CDH1: variants seen among roughly 807,000 people sequenced by gnomAD.
The protein encoded by CDH1 is cadherin-1.
Under a neutral mutation model 84.5 loss-of-function variants are expected in CDH1, and 35 were observed. That is an observed-to-expected ratio of 0.41 (90% CI 0.32 to 0.55). The LOEUF (loss-of-function observed/expected upper bound fraction) is 0.55, where lower values mean the gene tolerates loss of function less well. CDH1 is among the 20% of genes least tolerant of loss of function. CDH1 has a pLI of 0.19. For missense variants in CDH1, 994 were observed against 1,126.6 expected (o/e 0.88, Z 1.68); for synonymous variants, 417 against 439.0 (o/e 0.95, Z 0.63).
chr16:68,822,466 C>G (rs1057307164), intron 12 of CDH1: 1 of 586,326 alleles, frequency 1.7e-6, no homozygotes. Flanking sequence ...CTCTCCCAGC[C>G]TCTAGCCACC....
At position 68,808,404 on chromosome 16, in the gene CDH1, C is replaced by A. The variant is rs1960722851; in HGVS notation, c.388-20C>A. 3.7e-6 allele frequency: 6 copies of A among 1,613,872 alleles called. No individual in the cohort carries two copies. Among genetic ancestry groups the A allele is most frequent in the Non-Finnish European group, 5.1e-6 (6 of 1,179,896 alleles). On this transcript the variant is annotated intron_variant, in intron 3 of 15. Coordinates refer to ENST00000261769, the MANE Select transcript of CDH1 (RefSeq NM_004360.5). ...CGTCTTGAATTGTCTTATCTTGTTC[C>A]TCATCTTCTTTCCTTTTAGGCCTCC...
intron 2 of CDH1, among the ~76,000 whole-genome samples, chr16:68,790,892 C>T (rs1197134323): frequency 6.6e-6 from 1 of 152,130 alleles, no homozygotes; most frequent in Non-Finnish European, 1.5e-5. Context: ...TCAATGGGCA[C>T]ACTGGCTGTT....
intron 2 of CDH1, among the ~76,000 whole-genome samples, chr16:68,752,918 A>G (rs972560451): frequency 6.6e-6 from 1 of 152,162 alleles, no homozygotes; most frequent in African/African-American, 2.4e-5. Flanking sequence ...GATACACCCA[A>G]CACCTGCCCC....
intron 2 of CDH1, among the ~76,000 whole-genome samples, chr16:68,781,275 G>A (rs149110774): frequency 1.3e-5 from 2 of 152,226 alleles, no homozygotes; most frequent in East Asian, 1.9e-4. Flanking sequence ...AGTTGCCTCC[G>A]CTTCATTCTC....
At chr16:68,751,657 C>A (rs2152117481) in intron 2 of CDH1, among the ~76,000 whole-genome samples, 1 of 151,978 alleles carries the variant, frequency 6.6e-6, no homozygotes, top group African/African-American at 2.4e-5. Flanking sequence ...CATGGGCCAC[C>A]ACGCCTGGCT....
intron 2 of CDH1, among the ~76,000 whole-genome samples, chr16:68,799,232 T>TC (rs1404998127): frequency 1.3e-5 from 2 of 152,092 alleles, no homozygotes; most frequent in African/African-American, 4.8e-5. Context: ...TTATTACGGC[T>TC]CCCCCTGCTC....
At chr16:68,738,216 GA>G in intron 1 of CDH1, 80 bp from the exon 2 acceptor site, 1 of 928,378 alleles carries the variant, frequency 1.1e-6, no homozygotes, top group Non-Finnish European at 1.7e-6. Flanking sequence ...GGGAGCGAGG[GA>G]GGGGCGGCGC....
chr16:68,751,252 C>T (rs960956115), intron 2 of CDH1, among the ~76,000 whole-genome samples: 1 of 152,140 alleles, frequency 6.6e-6, no homozygotes, highest in Non-Finnish European at 1.5e-5. Flanking sequence ...ACTGATCTGT[C>T]CTTTGACTCA....
intron 2 of CDH1, among the ~76,000 whole-genome samples, chr16:68,774,634 GT>G (rs1486077193): frequency 2.0e-5 from 3 of 152,064 alleles, no homozygotes; most frequent in Non-Finnish European, 4.4e-5. Flanking sequence ...AATAAGTAAA[GT>G]TTGATGACCA....
intron 2 of CDH1, among the ~76,000 whole-genome samples, chr16:68,779,346 G>A (rs1959812849): frequency 6.6e-6 from 1 of 152,238 alleles, no homozygotes; most frequent in Admixed American, 6.5e-5. Context: ...GGCAGGGCTA[G>A]GTGGAAGTTA....
chr16:68,774,029 C>T (rs1959657852), intron 2 of CDH1, among the ~76,000 whole-genome samples: 1 of 152,246 alleles, frequency 6.6e-6, no homozygotes, highest in South Asian at 2.1e-4. Flanking sequence ...GATCTTCCCA[C>T]CTCAGCCTCC....
chr16:68,800,677 C>G (rs762166498), intron 2 of CDH1, among the ~76,000 whole-genome samples: 4 of 152,132 alleles, frequency 2.6e-5, no homozygotes, highest in Non-Finnish European at 5.9e-5. Flanking sequence ...TCGACTGCTC[C>G]CCTCTGCCTG....
intron 13 of CDH1, among the ~76,000 whole-genome samples, chr16:68,827,379 A>C (rs576316630): frequency 2.0e-5 from 3 of 150,396 alleles, no homozygotes; most frequent in Non-Finnish European, 4.4e-5. Context: ...TTTTTTTTTC[A>C]TTCACAGTGA....
At chr16:68,778,985 A>C (rs1462507462) in intron 2 of CDH1, among the ~76,000 whole-genome samples, 1 of 152,156 alleles carries the variant, frequency 6.6e-6, no homozygotes, top group Non-Finnish European at 1.5e-5. Flanking sequence ...ATTTAAGCAA[A>C]TTAAGGCCTT....
At chr16:68,820,436 C>T (rs1047990629) in intron 11 of CDH1, among the ~76,000 whole-genome samples, 5 of 151,080 alleles carry the variant, frequency 3.3e-5, no homozygotes, top group East Asian at 2.0e-4. Context: ...CTGCAGCTTC[C>T]GCCTCCCAGG....
At chr16:68,748,500 G>A (rs573594302) in intron 2 of CDH1, among the ~76,000 whole-genome samples, 4 of 152,340 alleles carry the variant, frequency 2.6e-5, no homozygotes, top group East Asian at 3.9e-4. Context: ...TAGCTATGCG[G>A]TATGGATGCA....
At chr16:68,828,632 C>T (rs1961395278) in intron 14 of CDH1, among the ~76,000 whole-genome samples, 1 of 152,232 alleles carries the variant, frequency 6.6e-6, no homozygotes, top group Non-Finnish European at 1.5e-5. Context: ...CATTGCCATT[C>T]TCTGGACGTG....
intron 2 of CDH1, among the ~76,000 whole-genome samples, chr16:68,747,439 C>T (rs769499330): frequency 3.9e-5 from 6 of 152,000 alleles, no homozygotes; most frequent in South Asian, 2.1e-4. Flanking sequence ...ATTATTCACC[C>T]GGTTAAAAAA....
Position 68,801,776 on chromosome 16 carries a change from G to C in CDH1, c.270G>C (p.Arg90=), listed in dbSNP as rs777822181. The C allele has an allele frequency of 6.2e-7, 1 of 1,614,004 alleles. No homozygotes were observed. The highest frequency in any genetic ancestry group is 1.3e-5 in the African/African-American group (1 of 74,912). The change falls in exon 3 of 16, where the codon CGG becomes CGC. Residue 90 remains arginine (R), a synonymous_variant. Transcript: ENST00000261769. ...DGVITVKRPL[R]FHNPQIHFLV... ...TGATTACAGTCAAAAGGCCTCTACGGTTTCATAACCCACAGATCCATTTCT... is the reference window on the plus strand; with the variant it reads ...TGATTACAGTCAAAAGGCCTCTACGCTTTCATAACCCACAGATCCATTTCT...
Sources: gnomAD v4.1 joint callset for allele counts (sites outside exome capture counted in the v4.1 genomes callset) on GRCh38, gnomAD v4.1.1 for gene constraint, MANE v1.5 for transcripts, NCBI Gene and HGNC (gene_info 2026-07-23, HGNC 2026-07-21) for gene names.